OTOA: variants seen among roughly 807,000 people sequenced by gnomAD.
OTOA encodes otoancorin, also known as cancer/testis antigen 108.
A neutral mutation model predicts 110.8 loss-of-function variants in OTOA; 70 were observed. The ratio of observed to expected loss-of-function variants is 0.63; its 90% confidence interval spans 0.52 to 0.77. The LOEUF (loss-of-function observed/expected upper bound fraction) is 0.77, where lower values mean the gene tolerates loss of function less well. Among genes scored for constraint, OTOA ranks in the 30% least tolerant of loss-of-function variants. OTOA has a pLI of 0.00. For missense variants in OTOA, 917 were observed against 1,075.8 expected, an observed-to-expected ratio of 0.85 and a Z score of 2.06; for synonymous variants, 373 against 431.5, an observed-to-expected ratio of 0.86 and a Z score of 1.68.
At chr16:21,686,815 C>G (rs996138905) in intron 7 of OTOA, among the ~76,000 whole-genome samples, 4 of 152,080 alleles carry the variant, frequency 2.6e-5, no homozygotes, top group African/African-American at 9.7e-5. Context: ...ATCGCTCAAT[C>G]CCAGGAGGTT....
chr16:21,689,855 T>C (rs1897793297), intron 8 of OTOA, among the ~76,000 whole-genome samples: 1 of 152,010 alleles, frequency 6.6e-6, no homozygotes, highest in Non-Finnish European at 1.5e-5. Flanking sequence ...CTGGCTACTT[T>C]TTGTATTTTT....
intron 1 of OTOA, among the ~76,000 whole-genome samples, chr16:21,678,208 C>G (rs1474448836): frequency 3.3e-5 from 5 of 151,798 alleles, no homozygotes; most frequent in Non-Finnish European, 7.4e-5. Flanking sequence ...TTGACTATAC[C>G]TTTTTGCTGG....
intron 17 of OTOA, 146 bp from the exon 18 acceptor site, chr16:21,722,759 C>A: frequency 1.4e-6 from 1 of 732,076 alleles, no homozygotes; most frequent in Non-Finnish European, 2.5e-6. Flanking sequence ...ATAAACTGGG[C>A]ACAGTAGTGG....
intron 7 of OTOA, among the ~76,000 whole-genome samples, chr16:21,687,087 G>A (rs1006101505): frequency 8.5e-5 from 13 of 152,162 alleles, no homozygotes; most frequent in Admixed American, 6.6e-4. Flanking sequence ...GAGACTTCAC[G>A]AAGGTGATGG....
intron 1 of OTOA, among the ~76,000 whole-genome samples, chr16:21,667,600 T>TAA (rs199562813): frequency 1.7e-4 from 24 of 139,682 alleles, no homozygotes; most frequent in African/African-American, 5.5e-4. Flanking sequence ...GACTCTGTCT[T>TAA]AAAAAAAAAA....
intron 12 of OTOA, chr16:21,705,497 G>A: frequency 1.3e-6 from 1 of 768,004 alleles, no homozygotes; most frequent in Non-Finnish European, 2.0e-6. Context: ...CAGACCCTGG[G>A]GAGATCAAAA....
Position 21,687,667 on chromosome 16 carries a change from CTTTTTTTT to C in OTOA, c.635+30_635+37del. The C allele has an allele frequency of 1.5e-6, 2 of 1,334,678 alleles. No individual in the cohort carries two copies. The highest frequency in any genetic ancestry group is 2.1e-6 in the Non-Finnish European group (2 of 974,462). 82.7% of individuals were successfully genotyped at this position (1,334,678 alleles called of 1,614,324 possible). ...AGAACCTGTGAGTGGTTCCTCCGAA[CTTTTTTTT>C]TTTTTTTTTTGAGATGGAGTTTCAC... On this transcript the variant is annotated intron_variant, in intron 8 of 28. Transcript: ENST00000646100.
intron 11 of OTOA, among the ~76,000 whole-genome samples, chr16:21,701,957 T>G (rs1281092958): frequency 4.0e-4 from 60 of 150,006 alleles, no homozygotes; most frequent in Non-Finnish European, 7.1e-4. Flanking sequence ...TGTTTTTTTT[T>G]TTTTTTTTTT....
chr16:21,679,368 G>A (rs746166266), intron 5 of OTOA, among the ~76,000 whole-genome samples, 157 bp downstream of exon 5: 7 of 151,998 alleles, frequency 4.6e-5, no homozygotes, highest in Non-Finnish European at 8.8e-5. Flanking sequence ...CTTGCTCCAC[G>A]GGCATCATTC....
intron 9 of OTOA, among the ~76,000 whole-genome samples, chr16:21,695,043 C>A (rs1200422784): frequency 5.3e-5 from 8 of 152,052 alleles, no homozygotes; most frequent in African/African-American, 1.9e-4. Flanking sequence ...TCTGTTTGGA[C>A]TTAAATTGTT....
intron 26 of OTOA, 27 bp from the exon 27 acceptor site, chr16:21,753,000 A>AC: frequency 1.3e-6 from 1 of 794,960 alleles, no homozygotes; most frequent in Non-Finnish European, 2.2e-6. Context: ...CTTGAACTAA[A>AC]CCCCCGTGAT....
chr16:21,760,150 A>G (rs1900123254), intron 28 of OTOA, among the ~76,000 whole-genome samples: 1 of 151,916 alleles, frequency 6.6e-6, no homozygotes, highest in East Asian at 1.9e-4. Flanking sequence ...CTTAATTATC[A>G]GAATCACCTG....
At chr16:21,704,937 A>G (rs1419315314) in intron 11 of OTOA, 1 of 788,776 alleles carries the variant, frequency 1.3e-6, no homozygotes. Flanking sequence ...GGACCATGCC[A>G]TGTGGTGTCC....
At chr16:21,684,750 A>G (rs1397800424) in intron 6 of OTOA, among the ~76,000 whole-genome samples, 5 of 81,286 alleles carry the variant, frequency 6.2e-5, no homozygotes, top group Non-Finnish European at 1.5e-4. Context: ...TATTATTATT[A>G]TTATTATTAT....
intron 15 of OTOA, among the ~76,000 whole-genome samples, chr16:21,717,570 A>G (rs1898596622): frequency 1.3e-5 from 2 of 152,194 alleles, no homozygotes; most frequent in Admixed American, 6.5e-5. Context: ...TAATAAAATG[A>G]GGGTCACTGA....
In OTOA at chr16:21,682,237, T is replaced by C. The variant is rs540420834; in HGVS notation, c.267+412T>C. Among the ~76,000 whole-genome samples the C allele has an allele frequency of 2.0e-3, 306 of 152,312 alleles. 2 individuals are homozygous for C. Among genetic ancestry groups the C allele is most frequent in the Non-Finnish European group, 3.5e-3 (235 of 68,024 alleles). On this transcript the variant is annotated intron_variant, in intron 6 of 28. Coordinates refer to ENST00000646100, the MANE Select transcript of OTOA (RefSeq NM_144672.4). The stretch of plus-strand genomic sequence containing the variant: ...TCATCTCCTGGGGAGTTATTGCCCA[T>C]GTGGTGGAAACACCTCTTCCTTTCT...
At chr16:21,693,052 T>C (rs569806872) in intron 9 of OTOA, among the ~76,000 whole-genome samples, 1 of 150,588 alleles carries the variant, frequency 6.6e-6, no homozygotes, top group East Asian at 2.0e-4. Context: ...GTTAGGAGTT[T>C]GAGACCAGCC....
intron 9 of OTOA, among the ~76,000 whole-genome samples, chr16:21,692,339 A>AG (rs1282726342): frequency 1.3e-5 from 2 of 152,028 alleles, no homozygotes; most frequent in Non-Finnish European, 2.9e-5. Flanking sequence ...AAAAAAAAAA[A>AG]AGAGAGAGAG....
intron 8 of OTOA, among the ~76,000 whole-genome samples, chr16:21,690,708 G>T (rs181842169): frequency 6.6e-6 from 1 of 151,984 alleles, no homozygotes; most frequent in African/African-American, 2.4e-5. Context: ...GTATATACCC[G>T]ATAATGGGAT....
Sources: gnomAD v4.1 joint callset for allele counts (sites outside exome capture counted in the v4.1 genomes callset) on GRCh38, gnomAD v4.1.1 for gene constraint, MANE v1.5 for transcripts, NCBI Gene and HGNC (gene_info 2026-07-23, HGNC 2026-07-21) for gene names.